HTRA3: variants seen among roughly 807,000 people sequenced by gnomAD.
The protein encoded by HTRA3 is HtrA serine peptidase 3.
A neutral mutation model predicts 43.2 loss-of-function variants in HTRA3; 41 were observed. That is an observed-to-expected ratio of 0.95 (90% CI 0.74 to 1.23). The LOEUF is 1.23. HTRA3 is among the 50% of genes most tolerant of loss of function. The pLI is 0.00. For missense variants in HTRA3, 628 were observed against 647.1 expected, an observed-to-expected ratio of 0.97 and a Z score of 0.32; for synonymous variants, 295 against 287.9, an observed-to-expected ratio of 1.02 and a Z score of -0.25.
rs755883712 is a variant in HTRA3 at position 8,270,229 on chromosome 4, C to T, written c.261C>T (p.His87=). The change falls in exon 1 of 9, where the codon CAC becomes CAT. Residue 87 remains histidine (H), a synonymous_variant. Transcript: ENST00000307358. ...GCCTATGCCGCTGCCGCTGGTCGCA[C>T]GCCGTGTGTGGCACCGACGGGCACA... ...VRGLCRCRWS[H]AVCGTDGHTY... is the part of the protein sequence containing the mutation. 3 of 1,534,524 alleles carry T rather than the reference C, an allele frequency of 2.0e-6. No individual in the cohort carries two copies. The highest frequency in any genetic ancestry group is 1.2e-5 in the South Asian group (1 of 84,048).
intron 1 of HTRA3, among the ~76,000 whole-genome samples, chr4:8,278,850 G>A (rs557806218): frequency 1.3e-5 from 2 of 152,232 alleles, no homozygotes; most frequent in Non-Finnish European, 2.9e-5. Context: ...CTTTTGTGAG[G>A]CTGCTTGGAG....
chr4:8,273,591 C>T (rs1002994105), intron 1 of HTRA3, among the ~76,000 whole-genome samples: 17 of 146,140 alleles, frequency 1.2e-4, no homozygotes, highest in South Asian at 4.4e-4. Flanking sequence ...GGACTTCGGG[C>T]CCTATCTCCA....
Position 8,304,267 on chromosome 4 carries a change from C to T in HTRA3, c.1184C>T (p.Ser395Leu). 1 of 1,614,044 alleles carries T rather than the reference C, an allele frequency of 6.2e-7. No homozygotes were observed. Among genetic ancestry groups the T allele is most frequent in the South Asian group, 1.1e-5 (1 of 91,078 alleles). Residue 395 changes from serine to leucine, a missense_variant, in exon 8 of 9, where the codon TCA (serine) becomes TTA (leucine). Ser to Leu is a moderately radical substitution (Grantham distance 145). Transcript: ENST00000307358. ...GIYVQEVAPN[S>L]PSQRGGIQDG... ...TATGTGCAAGAGGTTGCGCCGAATT[C>T]ACCTTCTCAGAGGTAGGCTCTGCCA...
At chr4:8,303,225 T>A (rs1713724577) in intron 7 of HTRA3, among the ~76,000 whole-genome samples, 1 of 152,172 alleles carries the variant, frequency 6.6e-6, no homozygotes, top group South Asian at 2.1e-4. Context: ...AGCCCTGGCC[T>A]CCCTCTCCAG....
chr4:8,298,516 T>C (rs570777515), intron 6 of HTRA3, among the ~76,000 whole-genome samples: 89 of 105,388 alleles, frequency 8.4e-4, no homozygotes, highest in African/African-American at 2.7e-3. Flanking sequence ...TTTGATGAAG[T>C]CTGTTTTTTT....
chr4:8,301,115 A>C (rs1418548730), intron 6 of HTRA3, among the ~76,000 whole-genome samples: 3 of 149,530 alleles, frequency 2.0e-5, no homozygotes, highest in Non-Finnish European at 4.4e-5. Context: ...TCACACTCTC[A>C]GCTTTATTGA....
At chr4:8,271,431 C>T (rs574002322) in intron 1 of HTRA3, among the ~76,000 whole-genome samples, 4 of 152,276 alleles carry the variant, frequency 2.6e-5, no homozygotes, top group South Asian at 2.1e-4. Context: ...TGGCAGAACA[C>T]GTGACCTCCT....
intron 6 of HTRA3, 23 bp from the exon 7 acceptor site, chr4:8,302,440 G>A: frequency 1.2e-6 from 2 of 1,613,650 alleles, no homozygotes; most frequent in Non-Finnish European, 1.7e-6. Context: ...CCCTAACGGA[G>A]TCTCGCCGTG....
At position 8,303,266 on chromosome 4, in the gene HTRA3, C is replaced by T. The variant is rs73083654; in HGVS notation, c.1100+755C>T. Reference sequence around the variant, plus strand: ...AACTCATCCTGCTGTGTCGGAATCACCTGTGGTGGGACCGCCCCACCCCAT... The same window carrying T: ...AACTCATCCTGCTGTGTCGGAATCATCTGTGGTGGGACCGCCCCACCCCAT... On this transcript the variant is annotated intron_variant, in intron 7 of 8. Transcript: ENST00000307358. Among the ~76,000 whole-genome samples, 942 of 152,314 alleles carry T rather than the reference C, an allele frequency of 6.2e-3. 10 individuals are homozygous for T. Among genetic ancestry groups the T allele is most frequent in the African/African-American group, 0.02 (842 of 41,560 alleles).
rs1713481890 is a variant in HTRA3, at chr4:8,297,069, AAAGGTTCCCTGGTCTCAGAAGCCAT to A, written c.1051+2874_1051+2898del. On this transcript the variant is annotated intron_variant, in intron 6 of 8. Transcript: ENST00000307358. This position sits in a 1 kb window ranked among gnomAD's most constrained non-coding sequence, Gnocchi z 5.8. ...CAGGGTCCCTTGGTCTCAGAAGCCA[AAAGGTTCCCTGGTCTCAGAAGCCAT>A]AAGGTCCCTTGGTCTCAGGCCCCTG... Among the ~76,000 whole-genome samples the A allele has an allele frequency of 6.6e-6, 1 of 151,852 alleles. No individual in the cohort carries two copies. The highest frequency in any genetic ancestry group is 1.5e-5 in the Non-Finnish European group (1 of 67,944).
At chr4:8,280,490 G>C (rs1001051098) in intron 1 of HTRA3, among the ~76,000 whole-genome samples, 1 of 152,202 alleles carries the variant, frequency 6.6e-6, no homozygotes, top group Non-Finnish European at 1.5e-5. Context: ...GTTCCCAGGG[G>C]CAGGGAGGAG....
chr4:8,285,204 C>A (rs1712907314), intron 2 of HTRA3, among the ~76,000 whole-genome samples: 1 of 152,190 alleles, frequency 6.6e-6, no homozygotes, highest in Admixed American at 6.5e-5. Context: ...CCTGCAAAGA[C>A]CCTGTTTCCA....
At position 8,270,048 on chromosome 4, in the gene HTRA3, C is replaced by T; in HGVS notation, c.80C>T (p.Ala27Val). ...AREPPAAPCP[A>V]RCDVSRCPSP... ...GAGCCCCCTGCGGCGCCGTGTCCCG[C>T]GCGCTGCGACGTGTCGCGGTGTCCC... Residue 27 changes from alanine to valine, a missense_variant, in exon 1 of 9, where the codon GCG becomes GTG. Coordinates refer to ENST00000307358, the MANE Select transcript of HTRA3 (RefSeq NM_053044.5). 6.9e-7 allele frequency: 1 copy of T among 1,444,634 alleles called. No homozygotes were observed. The allele number at this position is 1,444,634 out of a possible 1,614,324, so 89.5% of individuals were successfully genotyped here.
Position 8,279,040 on chromosome 4 carries a change from C to T in HTRA3, c.386-3397C>T, listed in dbSNP as rs539417705. 2.6e-5 allele frequency among the ~76,000 whole-genome samples: 4 copies of T among 152,114 alleles called. No individual in the cohort carries two copies. Among genetic ancestry groups the T allele is most frequent in the South Asian group, 2.1e-4 (1 of 4,816 alleles). On this transcript the variant is annotated intron_variant, in intron 1 of 8. Transcript: ENST00000307358. The surrounding 1 kb of genome is among the most constrained non-coding windows in gnomAD (Gnocchi z 7.4). ...ATCCCTTCCCTCTGAAATGTCTCAG[C>T]GGCTGTCTCACCCTGTGCTGGTTAC... is the stretch of plus-strand genomic sequence containing the variant.
chr4:8,270,457 C>T, intron 1 of HTRA3, 104 bp downstream of exon 1: 2 of 1,242,426 alleles, frequency 1.6e-6, no homozygotes, highest in Non-Finnish European at 2.1e-6. Flanking sequence ...TGGGCACCAC[C>T]GGGTGGCCCT....
In HTRA3 at chr4:8,295,737, GT is replaced by G; in HGVS notation, c.1051+1539del. 7.5e-7 allele frequency: 1 copy of G among 1,338,386 alleles called. No homozygotes were observed. Among genetic ancestry groups the G allele is most frequent in the Non-Finnish European group, 9.6e-7 (1 of 1,041,734 alleles). The allele number at this position is 1,338,386 out of a possible 1,614,324, so 82.9% of individuals were successfully genotyped here. Reference sequence around the variant, plus strand: ...CATTGAGAGCAGGGGGCTTCCTCACGTTTCCCCCTCCTCCATGACCCCGTCA... The same window carrying G: ...CATTGAGAGCAGGGGGCTTCCTCACGTTCCCCCTCCTCCATGACCCCGTCA... On this transcript the variant is annotated intron_variant, in intron 6 of 8. Coordinates refer to ENST00000307358, the MANE Select transcript of HTRA3 (RefSeq NM_053044.5). The surrounding 1 kb of genome is among the most constrained non-coding windows in gnomAD (Gnocchi z 6.9).
At chr4:8,273,734 G>A (rs1343268676) in intron 1 of HTRA3, among the ~76,000 whole-genome samples, 1 of 150,796 alleles carries the variant, frequency 6.6e-6, no homozygotes, top group African/African-American at 2.4e-5. Flanking sequence ...CCGTCCCTCC[G>A]CCCCTCATTC....
At chr4:8,301,481 T>G (rs571956608) in intron 6 of HTRA3, among the ~76,000 whole-genome samples, 1 of 151,178 alleles carries the variant, frequency 6.6e-6, no homozygotes, top group South Asian at 2.1e-4. Flanking sequence ...TGAGTCACAC[T>G]CTCAGCTTTA....
In HTRA3 at chr4:8,295,640, C is replaced by G. The variant is rs1046595387; in HGVS notation, c.1051+1439C>G. 3.8e-6 allele frequency: 5 copies of G among 1,327,220 alleles called. No homozygotes were observed. The East Asian group carries it at 1.5e-4, about 40-fold the overall frequency. 82.2% of individuals were successfully genotyped at this position (1,327,220 alleles called of 1,614,324 possible). ...TCCTGTGCCCACCTCCTGGCCAACG[C>G]CCAGGCCTGACTCAGCAACTCACAC... On this transcript the variant is annotated intron_variant, in intron 6 of 8. Transcript: ENST00000307358. The surrounding 1 kb of genome is among the most constrained non-coding windows in gnomAD (Gnocchi z 6.9).
Sources: allele counts gnomAD v4.1 joint callset (sites outside exome capture counted in the v4.1 genomes callset), GRCh38; gene constraint gnomAD v4.1.1; non-coding constraint Gnocchi (gnomAD v3.1); transcripts MANE v1.5; gene names NCBI Gene and HGNC (gene_info 2026-07-23, HGNC 2026-07-21).